OTX2: variants seen among roughly 807,000 people sequenced by gnomAD.
The protein encoded by OTX2 is orthodenticle homeobox 2, also known as homeobox protein OTX2.
Under a neutral mutation model 29.0 loss-of-function variants are expected in OTX2, and 4 were observed. The observed-to-expected ratio is 0.14, with a 90% CI of 0.07 to 0.32. The LOEUF (loss-of-function observed/expected upper bound fraction) is 0.32, where lower values mean the gene tolerates loss of function less well. Ranked by LOEUF, OTX2 falls within the 10% of genes least tolerant of loss-of-function variation. The pLI is 1.00. For missense variants in OTX2, 298 were observed against 365.9 expected (o/e 0.81, Z 1.51); for synonymous variants, 134 against 141.0 (o/e 0.95, Z 0.35).
chr14:56,801,595 C>G lies in OTX2; in HGVS notation c.*140G>C, dbSNP rs894481205. ...GGCCCCTCTAAGGCCCTTCGTTTTT[C>G]CTTCTATGCCTCTCGGAACTTTGAT... is the stretch of plus-strand genomic sequence containing the variant. On this transcript the variant is annotated 3_prime_UTR_variant, in exon 5 of 5. Coordinates refer to ENST00000672264, the MANE Select transcript of OTX2 (RefSeq NM_021728.4). The surrounding 1 kb of genome is among the most constrained non-coding windows in gnomAD (Gnocchi z 4.2). 2.8e-5 allele frequency: 27 copies of G among 964,638 alleles called. No individual in the cohort carries two copies. Among genetic ancestry groups the G allele is most frequent in the Non-Finnish European group, 3.9e-5 (24 of 617,520 alleles). 59.8% of individuals were successfully genotyped at this position (964,638 alleles called of 1,614,324 possible).
rs200680654 is a variant in OTX2 at position 56,805,393 on chromosome 14, T to C, written c.64A>G (p.Met22Val). Residue 22 changes from methionine (M) to valine (V), a missense_variant, in exon 3 of 5, where the codon ATG becomes GTG. This residue lies in a region of OTX2 where 50 missense variants were observed against 57.6 expected (regional missense o/e 0.87). Coordinates refer to ENST00000672264, the MANE Select transcript of OTX2 (RefSeq NM_021728.4). ...VNGLSLTTSG[M>V]DLLHPSVGYP... ...CCCACGGAGGGGTGCAGCAAGTCCATACCCGAAGTGGTCAGACTCAGCCCA... is the reference window on the plus strand; with the variant it reads ...CCCACGGAGGGGTGCAGCAAGTCCACACCCGAAGTGGTCAGACTCAGCCCA... 1.2e-5 allele frequency: 19 copies of C among 1,613,830 alleles called. No individual in the cohort carries two copies. Among genetic ancestry groups the C allele is most frequent in the Non-Finnish European group, 1.6e-5 (19 of 1,179,742 alleles).
chr14:56,807,642 T>C (rs1892133555), intron 2 of OTX2, among the ~76,000 whole-genome samples: 1 of 152,112 alleles, frequency 6.6e-6, no homozygotes, highest in Non-Finnish European at 1.5e-5. Context: ...TATTTTCACT[T>C]TTGCTCCTGG....
Position 56,810,164 on chromosome 14 carries a change from A to G in OTX2, c.-125T>C, listed in dbSNP as rs1594960164. On this transcript the variant is annotated 5_prime_UTR_variant, in exon 2 of 5. Coordinates refer to ENST00000672264, the MANE Select transcript of OTX2 (RefSeq NM_021728.4). ...CAAGACAGACGGACACTTACCTTACAGCCTCATGGGAGGTTAGAAAAAGTC... is the reference window on the plus strand; with the variant it reads ...CAAGACAGACGGACACTTACCTTACGGCCTCATGGGAGGTTAGAAAAAGTC... The G allele has an allele frequency of 1.3e-5, 2 of 152,250 alleles. No homozygotes were observed. Among genetic ancestry groups the G allele is most frequent in the South Asian group, 2.1e-4 (1 of 4,826 alleles). The allele number at this position is 152,250 out of a possible 1,614,324, so 9.4% of individuals were successfully genotyped here. A position where few individuals can be genotyped will look rare whatever the true frequency, so the allele number is the denominator to read the frequency against.
In OTX2 at chr14:56,800,276, T is replaced by C. The variant is rs1375349751; in HGVS notation, c.*1459A>G. 3.9e-5 allele frequency: 2 copies of C among 51,340 alleles called. No homozygotes were observed. The highest frequency in any genetic ancestry group is 5.7e-5 in the Non-Finnish European group (1 of 17,568). The allele number at this position is 51,340 out of a possible 1,614,324, so 3.2% of individuals were successfully genotyped here. On this transcript the variant is annotated 3_prime_UTR_variant, in exon 5 of 5. Transcript: ENST00000672264. ...TCCCTCTCATGTTTACCTCAGTTTT[T>C]GGAAGTTAAAAAAAAAAAATCCCCT... is the stretch of plus-strand genomic sequence containing the variant.
chr14:56,809,083 T>C (rs1457001986), intron 2 of OTX2, among the ~76,000 whole-genome samples: 1 of 152,120 alleles, frequency 6.6e-6, no homozygotes, highest in East Asian at 1.9e-4. Flanking sequence ...CTCATTGTCC[T>C]GGAGCCTGGG....
chr14:56,802,661 A>G lies in OTX2; in HGVS notation c.274-306T>C, dbSNP rs1006249258. On this transcript the variant is annotated intron_variant, in intron 4 of 4. Transcript: ENST00000672264. The surrounding 1 kb of genome is among the most constrained non-coding windows in gnomAD (Gnocchi z 4.4). ...TTTCCTATCTTATTTCGCCTCTAAC[A>G]CACACATACACATAGACCCAGCTAT... Among the ~76,000 whole-genome samples the G allele has an allele frequency of 1.1e-4, 16 of 152,308 alleles. No individual in the cohort carries two copies. Among genetic ancestry groups the G allele is most frequent in the African/African-American group, 3.8e-4 (16 of 41,570 alleles).
intron 1 of OTX2, 71 bp from the exon 2 acceptor site, chr14:56,810,293 C>T (rs1025509029): frequency 6.6e-6 from 1 of 152,114 alleles, no homozygotes; most frequent in Admixed American, 6.5e-5. Context: ...TCAAACACAA[C>T]CAAAAAAAAT....
intron 2 of OTX2, among the ~76,000 whole-genome samples, chr14:56,806,390 C>T (rs1000151894): frequency 6.6e-6 from 1 of 152,300 alleles, no homozygotes; most frequent in East Asian, 1.9e-4. Context: ...AATAGACACC[C>T]ATCAAATATT....
rs1166869080 is a variant in OTX2 at position 56,804,931 on chromosome 14, G to T, written c.97+429C>A. ...AGGTCATAGGGGAAGGCCTGGGCAT[G>T]GAGGGAACAACTGCGAAGCCCGAGA... On this transcript the variant is annotated intron_variant, in intron 3 of 4. Coordinates refer to ENST00000672264, the MANE Select transcript of OTX2 (RefSeq NM_021728.4). The surrounding 1 kb of genome is among the most constrained non-coding windows in gnomAD (Gnocchi z 4.1). Among the ~76,000 whole-genome samples, 1 of 152,216 alleles carries T rather than the reference G, an allele frequency of 6.6e-6. No individual in the cohort carries two copies. The highest frequency in any genetic ancestry group is 1.5e-5 in the Non-Finnish European group (1 of 68,046).
Position 56,800,505 on chromosome 14 carries a change from G to A in OTX2, c.*1230C>T, listed in dbSNP as rs554105506. 7 of 152,034 alleles carry A rather than the reference G, an allele frequency of 4.6e-5. No homozygotes were observed. Among genetic ancestry groups the A allele is most frequent in the African/African-American group, 1.7e-4 (7 of 41,460 alleles). The allele number at this position is 152,034 out of a possible 1,614,324, so 9.4% of individuals were successfully genotyped here. Reference sequence around the variant, plus strand: ...GTTAGGCTCTCCAAACTCAATTTCAGAGCAATCCTGATGAAAGTCACAAAA... The same window carrying A: ...GTTAGGCTCTCCAAACTCAATTTCAAAGCAATCCTGATGAAAGTCACAAAA... On this transcript the variant is annotated 3_prime_UTR_variant, in exon 5 of 5. Transcript: ENST00000672264.
rs1329597774 is a variant in OTX2, at chr14:56,801,660, C to T, written c.*75G>A. ...CATCATCCCATCTAACTCTTTTAAC[C>T]AATGCCTGGCTAAAACTGGAATGTC... On this transcript the variant is annotated 3_prime_UTR_variant, in exon 5 of 5. Transcript: ENST00000672264. The surrounding 1 kb of genome is among the most constrained non-coding windows in gnomAD (Gnocchi z 4.2). 12 of 1,518,744 alleles carry T rather than the reference C, an allele frequency of 7.9e-6. No homozygotes were observed. Among genetic ancestry groups the T allele is most frequent in the Non-Finnish European group, 1.1e-5 (12 of 1,096,228 alleles). 94.1% of individuals were successfully genotyped at this position (1,518,744 alleles called of 1,614,324 possible). A position where few individuals can be genotyped will look rare whatever the true frequency, so the allele number is the denominator to read the frequency against.
At chr14:56,809,746 A>G (rs1462044818) in intron 2 of OTX2, among the ~76,000 whole-genome samples, 1 of 152,180 alleles carries the variant, frequency 6.6e-6, no homozygotes, top group Non-Finnish European at 1.5e-5. Flanking sequence ...CTCGGACTCT[A>G]AAAAGGTCCC....
Position 56,800,603 on chromosome 14 carries a change from G to A in OTX2, c.*1132C>T, listed in dbSNP as rs1036075460. 3 of 152,036 alleles carry A rather than the reference G, an allele frequency of 2.0e-5. No homozygotes were observed. Among genetic ancestry groups the A allele is most frequent in the Non-Finnish European group, 4.4e-5 (3 of 67,962 alleles). 9.4% of individuals were successfully genotyped at this position (152,036 alleles called of 1,614,324 possible). On this transcript the variant is annotated 3_prime_UTR_variant, in exon 5 of 5. Transcript: ENST00000672264. ...AAAAAAAAAAAGTAAAAATAAGTTT[G>A]CTAATTTACTCTCTGTCCTAAGAAA... is the stretch of plus-strand genomic sequence containing the variant.
Position 56,802,927 on chromosome 14 carries a change from G to A in OTX2, c.274-572C>T, listed in dbSNP as rs1891944332. Reference sequence around the variant, plus strand: ...AAGGGGAAGACATGATCTTGTTGAAGAAAGAGGTCTGAAAGCCACTATTTG... The same window carrying A: ...AAGGGGAAGACATGATCTTGTTGAAAAAAGAGGTCTGAAAGCCACTATTTG... On this transcript the variant is annotated intron_variant, in intron 4 of 4. Coordinates refer to ENST00000672264, the MANE Select transcript of OTX2 (RefSeq NM_021728.4). The surrounding 1 kb of genome is among the most constrained non-coding windows in gnomAD (Gnocchi z 4.4). Among the ~76,000 whole-genome samples, 1 of 152,184 alleles carries A rather than the reference G, an allele frequency of 6.6e-6. No homozygotes were observed. The highest frequency in any genetic ancestry group is 1.5e-5 in the Non-Finnish European group (1 of 68,042).
At chr14:56,809,054 C>T (rs887925541) in intron 2 of OTX2, among the ~76,000 whole-genome samples, 1 of 152,238 alleles carries the variant, frequency 6.6e-6, no homozygotes, top group Admixed American at 6.5e-5. Context: ...GGCCCCCGCC[C>T]GGCCCCGAGC....
intron 2 of OTX2, 71 bp downstream of exon 2, chr14:56,810,088 G>C (rs1183469189): frequency 1.3e-5 from 2 of 152,258 alleles, no homozygotes; most frequent in Non-Finnish European, 2.9e-5. Context: ...TCTATTGGAG[G>C]TACTGGGGTG....
chr14:56,807,704 C>G (rs1892135599), intron 2 of OTX2, among the ~76,000 whole-genome samples: 1 of 152,248 alleles, frequency 6.6e-6, no homozygotes. Context: ...CTAAGAGATT[C>G]TCTCCACAAC....
In OTX2 at chr14:56,804,311, C is replaced by T. The variant is rs1246931412; in HGVS notation, c.150G>A (p.Arg50=). The T allele has an allele frequency of 6.2e-7, 1 of 1,614,026 alleles. No homozygotes were observed. The highest frequency in any genetic ancestry group is 2.2e-5 in the East Asian group (1 of 44,892). ...AATPRKQRRE[R]TTFTRAQLDV... ...CTAGCTGCGCCCGAGTGAACGTCGT[C>T]CTCTCCCGGCGCTGTTTCCGGGGGG... Residue 50 remains arginine (R), a synonymous_variant, in exon 4 of 5, where the codon AGG becomes AGA. Coordinates refer to ENST00000672264, the MANE Select transcript of OTX2 (RefSeq NM_021728.4). This position sits in a 1 kb window ranked among gnomAD's most constrained non-coding sequence, Gnocchi z 4.1.
At position 56,802,237 on chromosome 14, in the gene OTX2, G is replaced by A. The variant is rs970116042; in HGVS notation, c.392C>T (p.Ser131Leu). The change falls in exon 5 of 5, where the codon TCA becomes TTA. Residue 131 changes from serine to leucine, a missense_variant. Around this residue, in one of 3 missense-constraint regions of OTX2, gnomAD observed 219 missense variants for 223.5 expected, o/e 0.98. Transcript: ENST00000672264. The surrounding 1 kb of genome is among the most constrained non-coding windows in gnomAD (Gnocchi z 4.4). Reference sequence around the variant, plus strand: ...GAATTGGCCACTTGTTCCACTCTCTGAACTCACTTCCCGAGCTGGAGATGT... The same window carrying A: ...GAATTGGCCACTTGTTCCACTCTCTAAACTCACTTCCCGAGCTGGAGATGT... ...KKTSPAREVS[S>L]ESGTSGQFTP... The A allele has an allele frequency of 4.3e-6, 7 of 1,614,154 alleles. No individual in the cohort carries two copies. Among genetic ancestry groups the A allele is most frequent in the Admixed American group, 1.7e-5 (1 of 60,008 alleles).
Sources: gnomAD v4.1 joint callset for allele counts (sites outside exome capture counted in the v4.1 genomes callset) on GRCh38, gnomAD v4.1.1 for gene constraint, gnomAD v4.1.1 regional missense constraint, Gnocchi (gnomAD v3.1) non-coding constraint, MANE v1.5 for transcripts, NCBI Gene and HGNC (gene_info 2026-07-23, HGNC 2026-07-21) for gene names.